Variants in DAB1 observed in about 807,000 individuals in gnomAD.
The protein encoded by DAB1 is DAB adaptor protein 1.
Under a neutral mutation model 64.6 loss-of-function variants are expected in DAB1, and 15 were observed. That is an observed-to-expected ratio of 0.23 (90% CI 0.16 to 0.36). DAB1 has a LOEUF of 0.36. Ranked by LOEUF, DAB1 falls within the 10% of genes least tolerant of loss-of-function variation. The probability of loss-of-function intolerance (pLI) is 1.00; values close to 1 mark genes in which losing one functional copy is unlikely to be tolerated. For synonymous variants in DAB1, 235 were observed against 251.9 expected, an observed-to-expected ratio of 0.93 and a Z score of 0.64; for missense variants, 596 against 706.7, an observed-to-expected ratio of 0.84 and a Z score of 1.78.
rs1646609603 is a variant in DAB1 at position 58,007,871 on chromosome 1, C to T, written n.388-123709G>A. Reference sequence around the variant, plus strand: ...TTCAGCTTTATTTTATATTTGGGGGCCATATTTTATTCTTTCACATGTCTG... The same window carrying T: ...TTCAGCTTTATTTTATATTTGGGGGTCATATTTTATTCTTTCACATGTCTG... On this transcript the variant is annotated intron_variant and non_coding_transcript_variant, in intron 5 of 20. Coordinates refer to the DAB1 transcript ENST00000485760. 1.3e-5 allele frequency among the ~76,000 whole-genome samples: 2 copies of T among 152,058 alleles called. 1 individual carries two copies. The highest frequency in any genetic ancestry group is 4.2e-4 in the South Asian group (2 of 4,818).
At position 57,277,117 on chromosome 1, in the gene DAB1, G is replaced by C. The variant is rs144821452; in HGVS notation, c.67+13847C>G. ...CTATGACGTGCTAAAGTCCGCGATA[G>C]GCACCTTCACACATGTACTCAGCAG... On this transcript the variant is annotated intron_variant, in intron 2 of 14. Coordinates refer to ENST00000371236, the MANE Select transcript of DAB1 (RefSeq NM_001365792.1). Among the ~76,000 whole-genome samples, 115 of 152,252 alleles carry C rather than the reference G, an allele frequency of 7.6e-4. 1 individual carries two copies. The highest frequency in any genetic ancestry group is 2.5e-3 in the African/African-American group (105 of 41,538).
chr1:58,287,875 C>A (rs183942943), intron 4 of DAB1, among the ~76,000 whole-genome samples: 17 of 151,722 alleles, frequency 1.1e-4, no homozygotes, highest in African/African-American at 3.4e-4. Flanking sequence ...TACAAAAATT[C>A]ACTGGGTGTG....
intron 7 of DAB1, among the ~76,000 whole-genome samples, chr1:57,600,138 A>C (rs1558529424): frequency 6.6e-6 from 1 of 151,984 alleles, no homozygotes; most frequent in Non-Finnish European, 1.5e-5. Context: ...GGAGCAACTC[A>C]CTGTGTTGTG....
chr1:58,545,581 T>G (rs1304935714), intron 1 of DAB1, among the ~76,000 whole-genome samples: 1 of 152,174 alleles, frequency 6.6e-6, no homozygotes, highest in African/African-American at 2.4e-5. Flanking sequence ...GCTGGCAGAC[T>G]TCTAGGATAA....
intron 1 of DAB1, among the ~76,000 whole-genome samples, chr1:58,528,213 G>A (rs934601605): frequency 2.0e-5 from 3 of 152,172 alleles, no homozygotes; most frequent in Non-Finnish European, 2.9e-5. Flanking sequence ...ATGTGCCCCC[G>A]TCAAGTCTAT....
intron 2 of DAB1, among the ~76,000 whole-genome samples, chr1:57,262,842 G>A (rs1429419252): frequency 6.6e-6 from 1 of 152,122 alleles, no homozygotes; most frequent in Non-Finnish European, 1.5e-5. Context: ...TGAAAATATG[G>A]GCCCCGTGCC....
intron 6 of DAB1, among the ~76,000 whole-genome samples, chr1:57,652,500 T>C (rs1305546164): frequency 2.0e-5 from 3 of 151,618 alleles, no homozygotes; most frequent in Admixed American, 6.6e-5. Context: ...TCTATTGCAA[T>C]TCCCCTGCCT....
intron 1 of DAB1, chr1:58,534,417 T>C: frequency 1.6e-6 from 1 of 627,992 alleles, no homozygotes. Context: ...GGCTACTTAT[T>C]ATTGAACATT....
At chr1:57,083,578 C>T (rs1253887619) in intron 4 of DAB1, among the ~76,000 whole-genome samples, 6 of 152,116 alleles carry the variant, frequency 3.9e-5, no homozygotes, top group Non-Finnish European at 8.8e-5. Flanking sequence ...TTGTGTTGTA[C>T]CCAGTCTGAA....
chr1:58,332,954 A>C (rs7554405), intron 4 of DAB1, among the ~76,000 whole-genome samples: 67 of 152,274 alleles, frequency 4.4e-4, no homozygotes, highest in African/African-American at 1.6e-3. Context: ...CTTGTCACCC[A>C]GGCTGGAGTG....
chr1:58,489,033 G>A (rs997604385), intron 3 of DAB1, among the ~76,000 whole-genome samples: 5 of 152,238 alleles, frequency 3.3e-5, no homozygotes, highest in East Asian at 1.9e-4. Flanking sequence ...GAAGACGAAC[G>A]ATTTCTCCAT....
chr1:58,409,518 G>C (rs74894754), intron 3 of DAB1, among the ~76,000 whole-genome samples: 6,478 of 152,262 alleles, frequency 0.043, 477 homozygotes, highest in African/African-American at 0.15. Flanking sequence ...TGAGCTCTCT[G>C]TTGTTATATG....
At chr1:58,268,057 G>C (rs1661215984) in intron 4 of DAB1, among the ~76,000 whole-genome samples, 1 of 145,614 alleles carries the variant, frequency 6.9e-6, no homozygotes, top group Non-Finnish European at 1.5e-5. Context: ...TGCGATCAGA[G>C]ATCTAGATTT....
intron 7 of DAB1, among the ~76,000 whole-genome samples, chr1:57,450,333 T>A (rs1686303378): frequency 6.6e-6 from 1 of 152,182 alleles, no homozygotes; most frequent in East Asian, 1.9e-4. Context: ...GAAGAGAAAC[T>A]TGGTGTTACG....
At chr1:58,397,959 G>A (rs1644536840) in intron 3 of DAB1, among the ~76,000 whole-genome samples, 1 of 152,168 alleles carries the variant, frequency 6.6e-6, no homozygotes, top group Non-Finnish European at 1.5e-5. Flanking sequence ...CCAGTAGTCA[G>A]TAGTCATAGA....
intron 6 of DAB1, among the ~76,000 whole-genome samples, chr1:57,782,785 T>C (rs1017587403): frequency 6.6e-6 from 1 of 152,170 alleles, no homozygotes; most frequent in African/African-American, 2.4e-5. Context: ...AGCCACTGCT[T>C]TCTGAATGAC....
intron 7 of DAB1, among the ~76,000 whole-genome samples, chr1:57,625,529 C>G (rs1373072102): frequency 6.6e-6 from 1 of 152,138 alleles, no homozygotes. Context: ...AATCAGCACC[C>G]ACTCTGGCAA....
chr1:57,379,049 CT>C (rs1681142175), intron 1 of DAB1, among the ~76,000 whole-genome samples: 1 of 152,130 alleles, frequency 6.6e-6, no homozygotes. Flanking sequence ...AACTTGAAGT[CT>C]TTAACTGTGC....
chr1:58,218,366 C>A (rs1658967941), intron 4 of DAB1, among the ~76,000 whole-genome samples: 1 of 152,156 alleles, frequency 6.6e-6, no homozygotes, highest in Admixed American at 6.5e-5. Flanking sequence ...CCCCTAGGGT[C>A]AGGGTTGAGC....
Sources: allele counts gnomAD v4.1 joint callset (sites outside exome capture counted in the v4.1 genomes callset), GRCh38; gene constraint gnomAD v4.1.1; transcripts MANE v1.5; gene names NCBI Gene and HGNC (gene_info 2026-07-23, HGNC 2026-07-21).